SERPINA9: variants seen among roughly 807,000 people sequenced by gnomAD.
The protein encoded by SERPINA9 is serpin family A member 9.
In SERPINA9, 32 loss-of-function variants were observed where a neutral mutation model predicts 24.5. The ratio of observed to expected loss-of-function variants is 1.30; its 90% CI spans 0.98 to 1.75. The LOEUF is 1.75. SERPINA9 is among the 40% of genes most tolerant of loss of function. SERPINA9 has a pLI of 0.00. For missense variants in SERPINA9, 594 were observed against 497.1 expected, an observed-to-expected ratio of 1.19 and a Z score of -1.85; for synonymous variants, 233 against 197.7, an observed-to-expected ratio of 1.18 and a Z score of -1.50.
At chr14:94,475,892 G>A (rs540017243) in intron 1 of SERPINA9, 5 of 521,458 alleles carry the variant, frequency 9.6e-6, no homozygotes, top group African/African-American at 7.7e-5. Flanking sequence ...AAATTTTCAA[G>A]AGCTGTGTAT....
At chr14:94,466,417 G>T (rs528568405) in intron 3 of SERPINA9, among the ~76,000 whole-genome samples, 1 of 152,158 alleles carries the variant, frequency 6.6e-6, no homozygotes, top group Non-Finnish European at 1.5e-5. Context: ...TTGAATTCCA[G>T]TTACACTGCA....
chr14:94,464,916 C>T (rs1366506972), intron 3 of SERPINA9, 62 bp from the exon 4 acceptor site: 3 of 1,409,946 alleles, frequency 2.1e-6, no homozygotes, highest in Non-Finnish European at 2.9e-6. Flanking sequence ...ATCTCTGCTC[C>T]TAGATGCCAT....
chr14:94,469,100 C>A, intron 2 of SERPINA9, 113 bp downstream of exon 2: 2 of 920,696 alleles, frequency 2.2e-6, no homozygotes, highest in Non-Finnish European at 3.2e-6. Context: ...TCAGGCCCTC[C>A]CATTTCTCCA....
chr14:94,471,110 C>T (rs538398067), intron 1 of SERPINA9, among the ~76,000 whole-genome samples: 1 of 142,308 alleles, frequency 7.0e-6, no homozygotes, highest in African/African-American at 2.6e-5. Context: ...TCCTTCCCCC[C>T]ATCATCCTTT....
chr14:94,471,142 A>G (rs1899297958), intron 1 of SERPINA9, among the ~76,000 whole-genome samples: 1 of 139,476 alleles, frequency 7.2e-6, no homozygotes, highest in South Asian at 2.4e-4. Context: ...GTGCCTTCAT[A>G]ATCCCCCTTG....
chr14:94,464,305 CTCT>C (rs879381375), intron 4 of SERPINA9: 4,331 of 77,676 alleles, frequency 0.056, 166 homozygotes, highest in Middle Eastern at 0.11. Flanking sequence ...CTCTCTCTCT[CTCT>C]CTCTCTCTCT....
In SERPINA9 at chr14:94,467,304, T is replaced by G. The variant is rs1265046241; in HGVS notation, c.707A>C (p.His236Pro). Residue 236 changes from histidine to proline, a missense_variant, in exon 3 of 5, where the codon CAT becomes CCT. By Grantham distance (77) the His-to-Pro change is moderately conservative. Transcript: ENST00000674397. ...PFLVGEQVTV[H>P]VPMMHQKEQF... ...CTCTTTCTGGTGCATCATGGGGACA[T>G]GCACAGTGACCTGCTCGCCCACCAG... 11 of 1,613,988 alleles carry G rather than the reference T, an allele frequency of 6.8e-6. No individual in the cohort carries two copies. The highest frequency in any genetic ancestry group is 1.3e-5 in the African/African-American group (1 of 74,944).
chr14:94,474,588 T>C (rs1005216748), intron 1 of SERPINA9, among the ~76,000 whole-genome samples: 7 of 152,236 alleles, frequency 4.6e-5, no homozygotes, highest in African/African-American at 1.7e-4. Flanking sequence ...CACTCCCCAC[T>C]TTGCTTCTCC....
rs1899221769 is a variant in SERPINA9, at chr14:94,469,783, A to T, written c.58T>A (p.Cys20Ser). Residue 20 changes from cysteine (C) to serine (S), a missense_variant, in exon 2 of 5, where the codon TGT becomes AGT. Cys to Ser is a moderately radical substitution (Grantham distance 112). Transcript: ENST00000674397. ...FAVGLCAPIY[C>S]VSPANAPSAY... ...CTGGGGGCATTGGCCGGGGACACAC[A>T]GTAGATTGGAGCACAGAGGCCAACA... The T allele has an allele frequency of 1.3e-6, 2 of 1,537,442 alleles. No individual in the cohort carries two copies. Among genetic ancestry groups the T allele is most frequent in the Non-Finnish European group, 1.8e-6 (2 of 1,142,476 alleles).
chr14:94,467,321 G>A lies in SERPINA9; in HGVS notation c.690C>T (p.Gly230=), dbSNP rs756763583. The change falls in exon 3 of 5, where the codon GGC becomes GGT. Residue 230 remains glycine, a synonymous_variant. Transcript: ENST00000674397. The stretch of plus-strand genomic sequence containing the variant: ...TGGGGACATGCACAGTGACCTGCTC[G>A]CCCACCAGGAATGGGAAGTTCTTTC... The part of the protein sequence containing the change: ...YTRKNFPFLV[G]EQVTVHVPMM... 39 of 1,613,962 alleles carry A rather than the reference G, an allele frequency of 2.4e-5. No homozygotes were observed. Among genetic ancestry groups the A allele is most frequent in the African/African-American group, 6.7e-5 (5 of 75,060 alleles).
At chr14:94,475,413 T>A (rs986650829) in intron 1 of SERPINA9, among the ~76,000 whole-genome samples, 1 of 139,764 alleles carries the variant, frequency 7.2e-6, no homozygotes. Flanking sequence ...CATGTGTGCC[T>A]ACATGTGCAC....
intron 3 of SERPINA9, among the ~76,000 whole-genome samples, chr14:94,466,288 C>A (rs2139801526): frequency 6.6e-6 from 1 of 152,324 alleles, no homozygotes; most frequent in African/African-American, 2.4e-5. Flanking sequence ...ACATGTGCAG[C>A]TAAACCCCAC....
In SERPINA9 at chr14:94,467,261, C is replaced by T; in HGVS notation, c.750G>A (p.Val250=). 6 of 1,614,216 alleles carry T rather than the reference C, an allele frequency of 3.7e-6. No individual in the cohort carries two copies. Among genetic ancestry groups the T allele is most frequent in the Non-Finnish European group, 5.1e-6 (6 of 1,180,030 alleles). Residue 250 remains valine (V), a synonymous_variant, in exon 3 of 5, where the codon GTG becomes GTA. Transcript: ENST00000674397. ...GCACAAAGCAGTTCAGCTCTGTATC[C>T]ACCCCAAAAGCGAACTGCTCTTTCT... The part of the protein sequence containing the change: ...MHQKEQFAFG[V]DTELNCFVLQ...
chr14:94,471,207 A>G (rs941377644), intron 1 of SERPINA9, among the ~76,000 whole-genome samples: 1 of 151,670 alleles, frequency 6.6e-6, no homozygotes, highest in African/African-American at 2.4e-5. Flanking sequence ...AATGGCTGCC[A>G]CCAACTCTTC....
chr14:94,474,556 A>T (rs1899484739), intron 1 of SERPINA9, among the ~76,000 whole-genome samples: 1 of 152,158 alleles, frequency 6.6e-6, no homozygotes. Context: ...AAGCTCATTC[A>T]GTCAGCTCTT....
At chr14:94,472,497 C>T (rs1899369724) in intron 1 of SERPINA9, among the ~76,000 whole-genome samples, 2 of 152,290 alleles carry the variant, frequency 1.3e-5, no homozygotes, top group South Asian at 4.1e-4. Flanking sequence ...TGACCACACG[C>T]GTGCCTTTAG....
chr14:94,469,955 G>A, intron 1 of SERPINA9, 98 bp from the exon 2 acceptor site: 1 of 985,296 alleles, frequency 1.0e-6, no homozygotes, highest in Non-Finnish European at 1.5e-6. Context: ...AGCAGAATGA[G>A]GACAGATAGG....
At chr14:94,476,011 C>T (rs1899629116) in intron 1 of SERPINA9, 125 bp downstream of exon 1, 2 of 1,455,144 alleles carry the variant, frequency 1.4e-6, no homozygotes, top group African/African-American at 1.4e-5. Flanking sequence ...ACTAATGTGT[C>T]TAGGTTCTCA....
intron 1 of SERPINA9, among the ~76,000 whole-genome samples, chr14:94,473,235 T>A (rs757003886): frequency 2.6e-5 from 4 of 152,150 alleles, no homozygotes; most frequent in Non-Finnish European, 5.9e-5. Context: ...GCCTCAGAAC[T>A]GGGGTGGTGG....
Sources: allele counts gnomAD v4.1 joint callset (sites outside exome capture counted in the v4.1 genomes callset), GRCh38; gene constraint gnomAD v4.1.1; transcripts MANE v1.5; gene names NCBI Gene and HGNC (gene_info 2026-07-23, HGNC 2026-07-21).